The following MDGA2 variants were observed in gnomAD, a reference collection of about 807,000 sequenced individuals.
MDGA2 encodes MAM domain containing glycosylphosphatidylinositol anchor 2.
A neutral mutation model predicts 117.8 loss-of-function variants in MDGA2; 40 were observed. The observed-to-expected ratio is 0.34, with a 90% confidence interval of 0.26 to 0.44. MDGA2 has a LOEUF of 0.44. MDGA2 is among the 20% of genes least tolerant of loss of function. The pLI is 1.00. For synonymous variants in MDGA2, 452 were observed against 439.0 expected (o/e 1.03, Z -0.37); for missense variants, 1,123 against 1,250.6 (o/e 0.90, Z 1.54).
At chr14:47,242,814 G>A (rs1344564414) in intron 2 of MDGA2, among the ~76,000 whole-genome samples, 1 of 151,832 alleles carries the variant, frequency 6.6e-6, no homozygotes, top group Admixed American at 6.6e-5. Context: ...ACCACCCAAG[G>A]GCTGAGGAAT....
chr14:47,610,570 A>T (rs1374273788), intron 1 of MDGA2, among the ~76,000 whole-genome samples: 1 of 150,690 alleles, frequency 6.6e-6, no homozygotes, highest in Non-Finnish European at 1.5e-5. Context: ...ATAGCTAAAA[A>T]CAAACAAACA....
At chr14:47,312,689 T>G (rs71418154) in intron 1 of MDGA2, among the ~76,000 whole-genome samples, 1 of 90,646 alleles carries the variant, frequency 1.1e-5, no homozygotes, top group South Asian at 3.1e-4. Context: ...TTTTTTTTTG[T>G]TTTGTTTTGT....
chr14:47,011,375 A>C (rs1887891436), intron 8 of MDGA2, among the ~76,000 whole-genome samples: 1 of 152,140 alleles, frequency 6.6e-6, no homozygotes, highest in African/African-American at 2.4e-5. Context: ...TAAATTTAAA[A>C]TTTAAATAAA....
intron 1 of MDGA2, among the ~76,000 whole-genome samples, chr14:47,569,013 C>T (rs769608034): frequency 6.6e-6 from 1 of 151,500 alleles, no homozygotes; most frequent in South Asian, 2.1e-4. Flanking sequence ...CTTACTATCA[C>T]ATTTATTGTC....
chr14:47,294,425 T>A (rs1302729405), intron 2 of MDGA2, among the ~76,000 whole-genome samples: 1 of 152,058 alleles, frequency 6.6e-6, no homozygotes, highest in Admixed American at 6.6e-5. Context: ...AAAATAAATG[T>A]TTGGATGCTT....
chr14:47,066,579 G>C (rs1890089509), intron 6 of MDGA2, among the ~76,000 whole-genome samples: 2 of 152,164 alleles, frequency 1.3e-5, no homozygotes, highest in Non-Finnish European at 2.9e-5. Flanking sequence ...TGACTAGTTA[G>C]CTATGTGTAT....
Position 47,273,657 on chromosome 14 carries a change from T to C in MDGA2, c.420+27754A>G, listed in dbSNP as rs750415927. On this transcript the variant is annotated intron_variant, in intron 2 of 16. Transcript: ENST00000399232. Reference sequence around the variant, plus strand: ...TTTCAAGGTGAAACCTTTGCCTTATTAAAATTTATATTTATTTTCAAACAT... The same window carrying C: ...TTTCAAGGTGAAACCTTTGCCTTATCAAAATTTATATTTATTTTCAAACAT... Among the ~76,000 whole-genome samples the C allele has an allele frequency of 9.5e-4, 145 of 152,144 alleles. 5 individuals are homozygous for C. Among genetic ancestry groups the C allele is most frequent in the Non-Finnish European group, 3.2e-4 (22 of 68,026 alleles).
In MDGA2 at chr14:47,520,398, C is replaced by G. The variant is rs79633421; in HGVS notation, c.280+154119G>C. Among the ~76,000 whole-genome samples, 77 of 152,190 alleles carry G rather than the reference C, an allele frequency of 5.1e-4. No individual in the cohort carries two copies. In the East Asian group the frequency reaches 0.013, roughly 26 times the overall value. ...CAAAAGCACAGTTGCTGCTATTATCCCACTACAAGCAACTCATGAGATTAA... is the reference window on the plus strand; with the variant it reads ...CAAAAGCACAGTTGCTGCTATTATCGCACTACAAGCAACTCATGAGATTAA... On this transcript the variant is annotated intron_variant, in intron 1 of 16. Coordinates refer to ENST00000399232, the MANE Select transcript of MDGA2 (RefSeq NM_001113498.3).
intron 1 of MDGA2, among the ~76,000 whole-genome samples, chr14:47,319,600 AT>A (rs1356990171): frequency 1.3e-5 from 2 of 152,152 alleles, no homozygotes; most frequent in Admixed American, 1.3e-4. Flanking sequence ...GATAAAAATT[AT>A]CAAAGCTTTA....
chr14:46,878,732 T>C (rs947420908), intron 11 of MDGA2, among the ~76,000 whole-genome samples: 4 of 152,074 alleles, frequency 2.6e-5, no homozygotes, highest in African/African-American at 9.7e-5. Flanking sequence ...TATCCATGTA[T>C]TTTAATTTTA....
intron 1 of MDGA2, among the ~76,000 whole-genome samples, chr14:47,315,504 G>A (rs879149065): frequency 6.6e-6 from 1 of 152,048 alleles, no homozygotes; most frequent in Admixed American, 6.6e-5. Flanking sequence ...GTCATCATTG[G>A]AGCATAACAA....
intron 2 of MDGA2, among the ~76,000 whole-genome samples, chr14:47,285,952 G>A (rs1888655578): frequency 1.3e-5 from 2 of 152,024 alleles, no homozygotes; most frequent in Non-Finnish European, 2.9e-5. Context: ...AATAATGCCT[G>A]TCATATTCAC....
rs1881739340 is a variant in MDGA2 at position 46,865,962 on chromosome 14, C to T, written c.2752+7471G>A. 4.0e-5 allele frequency among the ~76,000 whole-genome samples: 6 copies of T among 151,356 alleles called. No homozygotes were observed. In the South Asian group the frequency reaches 1.3e-3, roughly 32 times the overall value. On this transcript the variant is annotated intron_variant, in intron 14 of 16. Transcript: ENST00000399232. ...AATCAATATCATGAAAATGGCCATA[C>T]TGCCCAAGGTAATTTATAGATTCAA... is the stretch of plus-strand genomic sequence containing the variant.
At chr14:47,002,393 T>C (rs1392726074) in intron 8 of MDGA2, among the ~76,000 whole-genome samples, 25 of 152,078 alleles carry the variant, frequency 1.6e-4, no homozygotes, top group Admixed American at 1.6e-3. Context: ...GAAATAAATA[T>C]TCCTGATGGA....
chr14:47,185,258 A>T (rs955303769), intron 3 of MDGA2, among the ~76,000 whole-genome samples: 1 of 151,400 alleles, frequency 6.6e-6, no homozygotes, highest in African/African-American at 2.4e-5. Context: ...CAATAGTTAT[A>T]AAGTGTGTCA....
intron 5 of MDGA2, among the ~76,000 whole-genome samples, chr14:47,125,025 AAT>A (rs1400848483): frequency 1.3e-5 from 2 of 152,120 alleles, no homozygotes; most frequent in African/African-American, 4.8e-5. Context: ...CACAAACCTA[AAT>A]AGTCCTTAAA....
At chr14:46,947,980 T>A (rs544658786) in intron 9 of MDGA2, among the ~76,000 whole-genome samples, 1 of 152,152 alleles carries the variant, frequency 6.6e-6, no homozygotes, top group South Asian at 2.1e-4. Context: ...CTTTGTGTCC[T>A]CTACTGGGAG....
intron 1 of MDGA2, among the ~76,000 whole-genome samples, chr14:47,620,731 GAA>G (rs1897034075): frequency 6.6e-6 from 1 of 152,134 alleles, no homozygotes; most frequent in African/African-American, 2.4e-5. Flanking sequence ...TTTGAGGGAA[GAA>G]GAGAGAAATT....
chr14:47,251,184 A>G (rs537969570), intron 2 of MDGA2, among the ~76,000 whole-genome samples: 22 of 152,316 alleles, frequency 1.4e-4, no homozygotes, highest in Non-Finnish European at 2.9e-4. Context: ...CTGTCCTAGA[A>G]TTCTTCATTG....
Sources: gnomAD v4.1 joint callset for allele counts (sites outside exome capture counted in the v4.1 genomes callset) on GRCh38, gnomAD v4.1.1 for gene constraint, MANE v1.5 for transcripts, NCBI Gene and HGNC (gene_info 2026-07-23, HGNC 2026-07-21) for gene names.